The following TIAM2 variants were observed in gnomAD, a reference collection of about 807,000 sequenced individuals.
The protein encoded by TIAM2 is TIAM Rac1 associated GEF 2, also known as rho guanine nucleotide exchange factor TIAM2.
In TIAM2, 80 loss-of-function variants were observed where a neutral mutation model predicts 152.9. That is an observed-to-expected ratio of 0.52 (90% CI 0.44 to 0.63). The LOEUF is 0.63. Among genes scored for constraint, TIAM2 ranks in the 30% least tolerant of loss-of-function variants. TIAM2 has a pLI of 0.00. For synonymous variants in TIAM2, 804 were observed against 838.0 expected (o/e 0.96, Z 0.70); for missense variants, 1,965 against 2,120.1 (o/e 0.93, Z 1.44).
rs566475746 is a variant in TIAM2 at position 155,129,770 on chromosome 6, C to A, written c.547C>A (p.Pro183Thr). The change falls in exon 4 of 27, where the codon CCC (proline) becomes ACC (threonine). Residue 183 changes from proline to threonine, a missense_variant. By Grantham distance (38) the Pro-to-Thr change is conservative. This residue lies in a region of TIAM2 where 1,025 missense variants were observed against 1,119.4 expected (regional missense o/e 0.92). Transcript: ENST00000682666. The surrounding 1 kb of genome is among the most constrained non-coding windows in gnomAD (Gnocchi z 4.8). ...GGTCGAGTTCCACAATGGTGGCAACCCCAGCAAAGTGCCTGCAGAGGACTG... is the reference window on the plus strand; with the variant it reads ...GGTCGAGTTCCACAATGGTGGCAACACCAGCAAAGTGCCTGCAGAGGACTG... ...LRVEFHNGGN[P>T]SKVPAEDCSE... is the part of the protein sequence containing the mutation. 6.2e-7 allele frequency: 1 copy of A among 1,613,886 alleles called. No individual in the cohort carries two copies.
intron 1 of TIAM2, among the ~76,000 whole-genome samples, chr6:155,068,535 C>G (rs1017451874): frequency 2.6e-5 from 4 of 151,936 alleles, no homozygotes; most frequent in African/African-American, 9.7e-5. Flanking sequence ...TCACTGCAAC[C>G]TCTGCCTCCT....
chr6:155,246,069 GTTT>G (rs112578629), intron 19 of TIAM2, among the ~76,000 whole-genome samples: 1 of 142,362 alleles, frequency 7.0e-6, no homozygotes, highest in African/African-American at 2.6e-5. Context: ...ATGCTATGGT[GTTT>G]TTTTTTTTTT....
chr6:155,257,202 A>G lies in TIAM2; in HGVS notation c.*81A>G. The G allele has an allele frequency of 1.4e-6, 2 of 1,428,016 alleles. No homozygotes were observed. The highest frequency in any genetic ancestry group is 1.9e-6 in the Non-Finnish European group (2 of 1,052,542). The allele number at this position is 1,428,016 out of a possible 1,614,324, so 88.5% of individuals were successfully genotyped here. A position where few individuals can be genotyped will look rare whatever the true frequency, so the allele number is the denominator to read the frequency against. The stretch of plus-strand genomic sequence containing the variant: ...AAAGTGGAAATTGCAAAAAAAAAAA[A>G]AAAAAAAAACTGTTCATTCCTGGGT... On this transcript the variant is annotated 3_prime_UTR_variant, in exon 27 of 27. Transcript: ENST00000682666.
intron 14 of TIAM2, among the ~76,000 whole-genome samples, chr6:155,206,739 T>TC (rs1442017951): frequency 6.6e-6 from 1 of 152,222 alleles, no homozygotes; most frequent in East Asian, 1.9e-4. Context: ...GAGTAGAAGC[T>TC]CTTGTTGGCT....
At chr6:155,125,304 A>T (rs948119000) in intron 2 of TIAM2, among the ~76,000 whole-genome samples, 3 of 152,048 alleles carry the variant, frequency 2.0e-5, no homozygotes, top group Non-Finnish European at 4.4e-5. Flanking sequence ...AACCCTCCTA[A>T]GAAGATATAC....
rs566662163 is a variant in TIAM2 at position 155,142,581 on chromosome 6, C to G, written c.1631-2025C>G. 2.0e-5 allele frequency among the ~76,000 whole-genome samples: 3 copies of G among 152,306 alleles called. No individual in the cohort carries two copies. The East Asian group carries it at 5.8e-4, about 29-fold the overall frequency. ...TCGGGCCCCGGGTCATGGCTTGTAG[C>G]ATGTGCAACAGTAGCATCAGATGGG... On this transcript the variant is annotated intron_variant, in intron 5 of 26. Transcript: ENST00000682666.
Position 155,183,331 on chromosome 6 carries a change from C to T in TIAM2, c.2895C>T (p.Ser965=), listed in dbSNP as rs775666404. The T allele has an allele frequency of 3.8e-5, 61 of 1,614,000 alleles. No homozygotes were observed. The highest frequency in any genetic ancestry group is 1.6e-4 in the Middle Eastern group (1 of 6,084). ...KQMEALFSEK[S]VGLTLIARPP... ...TGGAGGCCCTGTTTTCTGAGAAGAG[C>T]GTCGGACTCACTCTGATTGCCCGGC... The change falls in exon 14 of 27, where the codon AGC becomes AGT. Residue 965 remains serine (S), a synonymous_variant. Coordinates refer to ENST00000682666, the MANE Select transcript of TIAM2 (RefSeq NM_012454.4).
chr6:155,047,525 A>T (rs969468565), intron 1 of TIAM2, among the ~76,000 whole-genome samples: 1 of 152,124 alleles, frequency 6.6e-6, no homozygotes, highest in East Asian at 1.9e-4. Flanking sequence ...AGTGAGGAGG[A>T]GAAATCCTAT....
At chr6:155,099,885 A>C (rs1778515426) in intron 2 of TIAM2, among the ~76,000 whole-genome samples, 1 of 152,244 alleles carries the variant, frequency 6.6e-6, no homozygotes, top group African/African-American at 2.4e-5. Context: ...GGCATAGCCT[A>C]TGCTCCTAGG....
intron 24 of TIAM2, 99 bp downstream of exon 24, chr6:155,253,152 CTTTTA>C: frequency 9.8e-7 from 1 of 1,021,428 alleles, no homozygotes; most frequent in African/African-American, 1.6e-5. Flanking sequence ...TTTTTGGTGC[CTTTTA>C]TTTTATAGAC....
intron 4 of TIAM2, 56 bp downstream of exon 4, chr6:155,130,473 G>A (rs1779422165): frequency 3.3e-6 from 5 of 1,522,978 alleles, no homozygotes; most frequent in Non-Finnish European, 3.5e-6. Flanking sequence ...ACCTGGAGAA[G>A]GGGAAGGTTA....
At chr6:155,159,038 A>G (rs1009073470) in intron 7 of TIAM2, among the ~76,000 whole-genome samples, 51 of 152,224 alleles carry the variant, frequency 3.4e-4, no homozygotes, top group Non-Finnish European at 6.8e-4. Flanking sequence ...ACTAACATAC[A>G]TAATAGCTAA....
At chr6:155,175,490 G>A (rs1206931972) in intron 9 of TIAM2, among the ~76,000 whole-genome samples, 2 of 152,158 alleles carry the variant, frequency 1.3e-5, no homozygotes, top group African/African-American at 4.8e-5. Flanking sequence ...GGTATGTAAG[G>A]TGTTTCACAT....
chr6:155,014,348 A>G (rs1778538249), intron 1 of TIAM2, among the ~76,000 whole-genome samples: 1 of 152,216 alleles, frequency 6.6e-6, no homozygotes, highest in Admixed American at 6.5e-5. Context: ...ATAAATGTCT[A>G]TAAAGTAGTC....
intron 1 of TIAM2, among the ~76,000 whole-genome samples, chr6:155,076,092 G>A (rs546233664): frequency 7.2e-5 from 11 of 152,240 alleles, no homozygotes; most frequent in East Asian, 5.8e-4. Flanking sequence ...CCTGTCTCAT[G>A]AGGTCAGGTG....
At chr6:155,070,462 C>G (rs887748671) in intron 1 of TIAM2, among the ~76,000 whole-genome samples, 1 of 151,914 alleles carries the variant, frequency 6.6e-6, no homozygotes. Context: ...GGTGATCCAT[C>G]TACCTTGGCC....
chr6:155,066,232 A>G (rs1285574952), intron 1 of TIAM2, among the ~76,000 whole-genome samples: 2 of 41,552 alleles, frequency 4.8e-5, no homozygotes, highest in Non-Finnish European at 1.2e-4. Flanking sequence ...TGGCCCAGAC[A>G]TTTCTTTTTG....
rs193012714 is a variant in TIAM2 at position 155,156,281 on chromosome 6, C to A, written c.2028+7947C>A. ...AGGACTGTCTGTCACTCTCTCCTCC[C>A]GGTACCACTGCAGAAGCCTCCGGTT... On this transcript the variant is annotated intron_variant, in intron 7 of 26. Transcript: ENST00000682666. The surrounding 1 kb of genome is among the most constrained non-coding windows in gnomAD (Gnocchi z 4.4). Among the ~76,000 whole-genome samples the A allele has an allele frequency of 6.6e-6, 1 of 152,104 alleles. No individual in the cohort carries two copies. The highest frequency in any genetic ancestry group is 1.5e-5 in the Non-Finnish European group (1 of 68,016).
At chr6:155,045,050 CTTTTTTT>C (rs200620585) in intron 1 of TIAM2, among the ~76,000 whole-genome samples, 1 of 132,056 alleles carries the variant, frequency 7.6e-6, no homozygotes, top group Non-Finnish European at 1.6e-5. Flanking sequence ...TTTTCTTTTT[CTTTTTTT>C]TTTTTTTTTT....
Sources: gnomAD v4.1 joint callset for allele counts (sites outside exome capture counted in the v4.1 genomes callset) on GRCh38, gnomAD v4.1.1 for gene constraint, gnomAD v4.1.1 regional missense constraint, Gnocchi (gnomAD v3.1) non-coding constraint, MANE v1.5 for transcripts, NCBI Gene and HGNC (gene_info 2026-07-23, HGNC 2026-07-21) for gene names.